SH3D21: variants seen among roughly 807,000 people sequenced by gnomAD.
The protein encoded by SH3D21 is SH3 domain-containing protein 21.
SH3D21 carries 83 observed loss-of-function variants against 82.1 expected under a neutral mutation model. The ratio of observed to expected loss-of-function variants is 1.01; its 90% confidence interval spans 0.85 to 1.21. The LOEUF (loss-of-function observed/expected upper bound fraction) is 1.21. SH3D21 is among the 50% of genes most tolerant of loss of function. The pLI is 0.00. For missense variants in SH3D21, 980 were observed against 962.1 expected (o/e 1.02, Z -0.25); for synonymous variants, 383 against 387.8 (o/e 0.99, Z 0.15).
chr1:36,318,136 A>C (rs2124692730), intron 10 of SH3D21, among the ~76,000 whole-genome samples: 1 of 152,280 alleles, frequency 6.6e-6, no homozygotes, highest in Middle Eastern at 3.4e-3. Context: ...AGTAGTGTGG[A>C]CAGGATTTGC....
Position 36,319,285 on chromosome 1 carries a change from A to G in SH3D21, c.889A>G (p.Ser297Gly). The stretch of plus-strand genomic sequence containing the variant: ...GACATCTCGGACACCCAGCAGGGAC[A>G]GTCAGAAGCTCACCTCCCGAGACTC... ...AKTSRTPSRD[S>G]QKLTSRDSGP... Residue 297 changes from serine (S) to glycine (G), a missense_variant, in exon 12 of 16, where the codon AGT becomes GGT. By Grantham distance (56) the Ser-to-Gly change is moderately conservative. Coordinates refer to ENST00000453908, the MANE Select transcript of SH3D21 (RefSeq NM_001162530.2). The G allele has an allele frequency of 6.4e-7, 1 of 1,551,636 alleles. No individual in the cohort carries two copies. Among genetic ancestry groups the G allele is most frequent in the Non-Finnish European group, 8.7e-7 (1 of 1,146,970 alleles).
At chr1:36,313,690 G>T (rs11811625) in intron 10 of SH3D21, among the ~76,000 whole-genome samples, 2 of 151,714 alleles carry the variant, frequency 1.3e-5, no homozygotes, top group African/African-American at 4.8e-5. Context: ...TCAGCCTCCC[G>T]AGTAGCTAGG....
intron 9 of SH3D21, 88 bp downstream of exon 9, chr1:36,308,563 G>A (rs1646177339): frequency 3.7e-6 from 4 of 1,082,866 alleles, no homozygotes; most frequent in Admixed American, 2.1e-5. Flanking sequence ...GACCTAGCTG[G>A]AGGGTCACTA....
Position 36,320,487 on chromosome 1 carries a change from G to A in SH3D21, c.1824G>A (p.Glu608=), listed in dbSNP as rs760923400. 1.7e-5 allele frequency: 27 copies of A among 1,614,096 alleles called. No homozygotes were observed. Among genetic ancestry groups the A allele is most frequent in the Non-Finnish European group, 2.3e-5 (27 of 1,179,990 alleles). The part of the protein sequence containing the change: ...RTPEEEAPPN[E]QRPLREEVLP... ...CTGAAGAGGAGGCGCCCCCCAACGAGCAGAGGCCTCTGAGAGAGGAGGTGC... is the reference window on the plus strand; with the variant it reads ...CTGAAGAGGAGGCGCCCCCCAACGAACAGAGGCCTCTGAGAGAGGAGGTGC... The change falls in exon 14 of 16, where the codon GAG becomes GAA. Residue 608 remains glutamate (E), a synonymous_variant. Coordinates refer to ENST00000453908, the MANE Select transcript of SH3D21 (RefSeq NM_001162530.2).
intron 10 of SH3D21, among the ~76,000 whole-genome samples, chr1:36,317,145 C>A (rs1646358841): frequency 6.6e-6 from 1 of 152,146 alleles, no homozygotes; most frequent in Admixed American, 6.5e-5. Context: ...GAGCTTTGAC[C>A]ATCTGGCTGC....
chr1:36,328,765 C>T (rs950544905), downstream of SH3D21: 2 of 153,872 alleles, frequency 1.3e-5, no homozygotes. Context: ...GAGGAAGACC[C>T]TGTCTCAAAA....
chr1:36,313,972 C>CTTTTT (rs767624105), intron 10 of SH3D21, among the ~76,000 whole-genome samples: 2,316 of 36,740 alleles, frequency 0.063, 978 homozygotes, highest in Non-Finnish European at 0.089. Context: ...AACATATTTT[C>CTTTTT]TTTTTTTTTT....
chr1:36,307,654 C>T lies in SH3D21; in HGVS notation c.436+47C>T, dbSNP rs1210462256. Reference sequence around the variant, plus strand: ...CCTGTGACTCGCAATCTCCAATGACCCTCCCAGTGGCATGAGCCTGTGATT... The same window carrying T: ...CCTGTGACTCGCAATCTCCAATGACTCTCCCAGTGGCATGAGCCTGTGATT... On this transcript the variant is annotated intron_variant, in intron 5 of 15. Coordinates refer to ENST00000453908, the MANE Select transcript of SH3D21 (RefSeq NM_001162530.2). The surrounding 1 kb of genome is among the most constrained non-coding windows in gnomAD (Gnocchi z 5.4). The T allele has an allele frequency of 7.8e-6, 12 of 1,545,810 alleles. No individual in the cohort carries two copies. The highest frequency in any genetic ancestry group is 1.4e-5 in the African/African-American group (1 of 73,048).
At chr1:36,308,043 A>C in intron 7 of SH3D21, 66 bp from the exon 8 acceptor site, 1 of 1,548,694 alleles carries the variant, frequency 6.5e-7, no homozygotes, top group Non-Finnish European at 8.7e-7. Flanking sequence ...AGGCTGATGG[A>C]GGTGGGGGCT....
chr1:36,322,871 C>G, downstream of SH3D21: 4 of 1,514,958 alleles, frequency 2.6e-6, no homozygotes, highest in Non-Finnish European at 3.6e-6. Flanking sequence ...GGCAAGAGGG[C>G]GGGGAGCGGG....
At chr1:36,322,790 A>G, downstream of SH3D21, 1 of 1,513,180 alleles carries the variant, frequency 6.6e-7, no homozygotes, top group Non-Finnish European at 8.9e-7. Flanking sequence ...CACTTCCGAA[A>G]GACCCCAGGT....
At position 36,319,321 on chromosome 1, in the gene SH3D21, T is replaced by C. The variant is rs1166879964; in HGVS notation, c.916+9T>C. The C allele has an allele frequency of 6.4e-7, 1 of 1,551,480 alleles. No homozygotes were observed. On this transcript the variant is annotated intron_variant, in intron 12 of 15. Transcript: ENST00000453908. ...CACCTCCCGAGACTCAGGCAAGGGC[T>C]GCCTTCCTCCAGTGCGGGGAGGACT...
chr1:36,311,505 G>T (rs977666296), intron 10 of SH3D21, among the ~76,000 whole-genome samples: 1 of 152,198 alleles, frequency 6.6e-6, no homozygotes, highest in Non-Finnish European at 1.5e-5. Context: ...CTCCCAAAGT[G>T]CTGGGATTAC....
chr1:36,322,946 C>T (rs778732234), downstream of SH3D21: 1 of 1,606,800 alleles, frequency 6.2e-7, no homozygotes, highest in Non-Finnish European at 8.5e-7. Context: ...GTTCAGGCCC[C>T]CAGTCTTCCG....
At chr1:36,312,829 G>C (rs1229386351) in intron 10 of SH3D21, among the ~76,000 whole-genome samples, 2 of 152,150 alleles carry the variant, frequency 1.3e-5, no homozygotes, top group African/African-American at 4.8e-5. Context: ...TCCTGCTGCA[G>C]CCTCCCAAGT....
rs1646124025 is a variant in SH3D21, at chr1:36,306,555, G to A, written c.5-43G>A. 7.7e-7 allele frequency: 1 copy of A among 1,302,700 alleles called. No homozygotes were observed. Among genetic ancestry groups the A allele is most frequent in the Admixed American group, 2.3e-5 (1 of 43,470 alleles). 80.7% of individuals were successfully genotyped at this position (1,302,700 alleles called of 1,614,324 possible). ...CCCGCCCTAGCCAGGCTGCCCGGCT[G>A]GGCCTTTCTGAGCCGCACGCCGGCC... is the stretch of plus-strand genomic sequence containing the variant. On this transcript the variant is annotated intron_variant, in intron 1 of 15. Transcript: ENST00000453908. This position sits in a 1 kb window ranked among gnomAD's most constrained non-coding sequence, Gnocchi z 4.5.
At chr1:36,328,789 A>G (rs1198910769), downstream of SH3D21, 1 of 153,496 alleles carries the variant, frequency 6.5e-6, no homozygotes, top group East Asian at 1.9e-4. Context: ...ACAAAACAAC[A>G]GCAACAACAA....
At chr1:36,328,229 T>A, downstream of SH3D21, 1 of 433,004 alleles carries the variant, frequency 2.3e-6, no homozygotes, top group Non-Finnish European at 4.7e-6. Flanking sequence ...AGGGGACTTG[T>A]GAGTGCTGGC....
chr1:36,319,722 C>T lies in SH3D21; in HGVS notation c.1059C>T (p.Thr353=), dbSNP rs753538369. The change falls in exon 14 of 16, where the codon ACC becomes ACT. Residue 353 remains threonine, a synonymous_variant. Coordinates refer to ENST00000453908, the MANE Select transcript of SH3D21 (RefSeq NM_001162530.2). ...TAAAGGCCCCCTCTGTGAAGAGAAC[C>T]CCCATGCCGGACAAGACTGCCACCC... ...SPVKAPSVKR[T]PMPDKTATPE... is the part of the protein sequence containing the mutation. 6.3e-7 allele frequency: 1 copy of T among 1,596,336 alleles called. No individual in the cohort carries two copies. The highest frequency in any genetic ancestry group is 1.1e-5 in the South Asian group (1 of 88,352).
Sources: allele counts gnomAD v4.1 joint callset (sites outside exome capture counted in the v4.1 genomes callset), GRCh38; gene constraint gnomAD v4.1.1; non-coding constraint Gnocchi (gnomAD v3.1); transcripts MANE v1.5; gene names NCBI Gene and HGNC (gene_info 2026-07-23, HGNC 2026-07-21).